UNC13B: variants seen among roughly 807,000 people sequenced by gnomAD.
UNC13B encodes unc-13 homolog B, also known as protein unc-13 homolog B.
A neutral mutation model predicts 211.0 loss-of-function variants in UNC13B; 144 were observed. The ratio of observed to expected loss-of-function variants is 0.68; its 90% CI spans 0.60 to 0.78. UNC13B has a LOEUF of 0.78. UNC13B is among the 30% of genes least tolerant of loss of function. The pLI is 0.00. For synonymous variants in UNC13B, 709 were observed against 725.8 expected, an observed-to-expected ratio of 0.98 and a Z score of 0.37; for missense variants, 1,777 against 2,002.0, an observed-to-expected ratio of 0.89 and a Z score of 2.14.
intron 1 of UNC13B, 179 bp from the exon 2 acceptor site, chr9:35,227,836 G>A (rs1824942099): frequency 6.1e-6 from 3 of 488,246 alleles, no homozygotes; most frequent in African/African-American, 6.1e-5. Flanking sequence ...TGACTTTTAA[G>A]GTCTCGTCTG....
At chr9:35,380,704 C>A (rs1834768513) in intron 18 of UNC13B, 65 bp downstream of exon 18, 4 of 1,596,344 alleles carry the variant, frequency 2.5e-6, no homozygotes, top group East Asian at 2.2e-5. Flanking sequence ...TGGGAATAGT[C>A]CTTCTACCAA....
intron 11 of UNC13B, among the ~76,000 whole-genome samples, chr9:35,333,398 C>G (rs1053130726): frequency 6.6e-6 from 1 of 152,182 alleles, no homozygotes; most frequent in Non-Finnish European, 1.5e-5. Context: ...GCAAGTTACC[C>G]AGCCCTTTGG....
rs150252340 is a variant in UNC13B, at chr9:35,300,524, A to G, written c.1120A>G (p.Thr374Ala). The change falls in exon 9 of 40, where the codon ACT (threonine) becomes GCT (alanine). Residue 374 changes from threonine to alanine, a missense_variant. Coordinates refer to ENST00000635942, the MANE Select transcript of UNC13B (RefSeq NM_001371189.2). ...FTSLDILEDS[T>A]SSTSDELLGS... Reference sequence around the variant, plus strand: ...CTCATTAGATATTCTTGAAGATTCTACTAGTAGTACTTCTGATGAACTTCT... The same window carrying G: ...CTCATTAGATATTCTTGAAGATTCTGCTAGTAGTACTTCTGATGAACTTCT... The G allele has an allele frequency of 5.0e-6, 2 of 398,908 alleles. No individual in the cohort carries two copies. The highest frequency in any genetic ancestry group is 8.8e-6 in the Non-Finnish European group (2 of 226,048). 24.7% of individuals were successfully genotyped at this position (398,908 alleles called of 1,614,324 possible).
rs377246179 is a variant in UNC13B at position 35,243,273 on chromosome 9, T to A, written c.395-18T>A. ...GCTGATGTGATTTCTTTTCTTTTTC[T>A]TCTTTTTTTTATGGTAGATATCCCA... On this transcript the variant is annotated intron_variant, in intron 5 of 39. Transcript: ENST00000635942. 3.7e-6 allele frequency: 6 copies of A among 1,611,700 alleles called. No individual in the cohort carries two copies. In the African/African-American group the frequency reaches 8.0e-5, roughly 22 times the overall value.
chr9:35,216,741 A>C (rs1357830694), intron 1 of UNC13B, among the ~76,000 whole-genome samples: 1 of 152,188 alleles, frequency 6.6e-6, no homozygotes, highest in African/African-American at 2.4e-5. Flanking sequence ...GAAAATAGAA[A>C]ATAAAATGTC....
intron 6 of UNC13B, among the ~76,000 whole-genome samples, chr9:35,249,580 G>A (rs1826333203): frequency 6.6e-6 from 1 of 152,132 alleles, no homozygotes; most frequent in African/African-American, 2.4e-5. Flanking sequence ...GCATTTGCTT[G>A]TCTGTAAAGT....
chr9:35,305,441 G>A lies in UNC13B; in HGVS notation c.6037G>A (p.Val2013Ile). Residue 2013 changes from valine (V) to isoleucine (I), a missense_variant, in exon 9 of 40, where the codon GTC (valine) becomes ATC (isoleucine). By Grantham distance (29) the Val-to-Ile change is conservative. Coordinates refer to ENST00000635942, the MANE Select transcript of UNC13B (RefSeq NM_001371189.2). ...SVSSMTIKDEVRSSPTPMELA... is the reference protein window; with the variant it reads ...SVSSMTIKDEIRSSPTPMELA... ...TTCTTCAATGACTATTAAGGATGAG[G>A]TCAGGTCAAGTCCTACTCCTATGGA... 1 of 398,958 alleles carries A rather than the reference G, an allele frequency of 2.5e-6. No homozygotes were observed. Among genetic ancestry groups the A allele is most frequent in the Non-Finnish European group, 4.4e-6 (1 of 226,012 alleles). 24.7% of individuals were successfully genotyped at this position (398,958 alleles called of 1,614,324 possible). A position where few individuals can be genotyped will look rare whatever the true frequency, so the allele number is the denominator to read the frequency against.
chr9:35,291,875 A>G (rs1829115790), intron 7 of UNC13B, among the ~76,000 whole-genome samples: 1 of 152,128 alleles, frequency 6.6e-6, no homozygotes, highest in Non-Finnish European at 1.5e-5. Context: ...TGTGATTTGA[A>G]TCCTGAGTAC....
intron 15 of UNC13B, among the ~76,000 whole-genome samples, chr9:35,376,668 G>T (rs1380940515): frequency 6.6e-5 from 10 of 152,142 alleles, no homozygotes; most frequent in Admixed American, 6.5e-4. Flanking sequence ...CTAGAATCTA[G>T]GACTCAGGGA....
chr9:35,352,595 A>C, intron 11 of UNC13B: 1 of 1,232,174 alleles, frequency 8.1e-7, no homozygotes, highest in Non-Finnish European at 1.0e-6. Context: ...AACATATCAG[A>C]TGAAGGCTCA....
intron 1 of UNC13B, among the ~76,000 whole-genome samples, chr9:35,199,850 T>C (rs990947279): frequency 3.9e-4 from 60 of 152,100 alleles, no homozygotes; most frequent in Admixed American, 9.2e-4. Context: ...TTTAATTAGA[T>C]CCCATTTGTC....
In UNC13B at chr9:35,386,165, G is replaced by T; in HGVS notation, c.10966G>T (p.Val3656Leu). The T allele has an allele frequency of 3.1e-6, 5 of 1,614,094 alleles. No individual in the cohort carries two copies. Among genetic ancestry groups the T allele is most frequent in the Non-Finnish European group, 4.2e-6 (5 of 1,179,978 alleles). Reference protein sequence around the residue: ...LTSITFFRMKVQELQSPPRAS... With the variant: ...LTSITFFRMKLQELQSPPRAS... The stretch of plus-strand genomic sequence containing the variant: ...CCATATTTCTTCTTTTAATTGGCAG[G>T]TACAAGAACTGCAAAGCCCTCCAAG... Residue 3656 changes from valine (V) to leucine (L), a missense_variant and splice_region_variant, in exon 24 of 40, where the codon GTA (valine) becomes TTA (leucine). Transcript: ENST00000635942.
intron 11 of UNC13B, among the ~76,000 whole-genome samples, chr9:35,342,930 A>C (rs1587660062): frequency 6.6e-6 from 1 of 152,346 alleles, no homozygotes; most frequent in African/African-American, 2.4e-5. Flanking sequence ...ACAGAGAGAA[A>C]GAGAAAAAAC....
In UNC13B at chr9:35,176,300, C is replaced by T. The variant is rs1314145873; in HGVS notation, c.22+13995C>T. Reference sequence around the variant, plus strand: ...TGGTGGCTCATGTCTATAATCCCAGCATTTTGGGAGGCTGAGGCGGGTAGA... The same window carrying T: ...TGGTGGCTCATGTCTATAATCCCAGTATTTTGGGAGGCTGAGGCGGGTAGA... On this transcript the variant is annotated intron_variant, in intron 1 of 39. Coordinates refer to ENST00000635942, the MANE Select transcript of UNC13B (RefSeq NM_001371189.2). Among the ~76,000 whole-genome samples, 3 of 152,192 alleles carry T rather than the reference C, an allele frequency of 2.0e-5. No individual in the cohort carries two copies. The East Asian group carries it at 5.8e-4, about 29-fold the overall frequency.
intron 1 of UNC13B, among the ~76,000 whole-genome samples, chr9:35,177,632 G>A (rs1044967606): frequency 6.6e-6 from 1 of 152,050 alleles, no homozygotes; most frequent in African/African-American, 2.4e-5. Context: ...TAACTGTTTT[G>A]AAACTTATAA....
At chr9:35,333,930 C>G (rs1273160670) in intron 11 of UNC13B, among the ~76,000 whole-genome samples, 1 of 151,822 alleles carries the variant, frequency 6.6e-6, no homozygotes, top group African/African-American at 2.4e-5. Context: ...GTTGAGAAAA[C>G]TGCTTTGGGC....
In UNC13B at chr9:35,203,527, G is replaced by A. The variant is rs12235918; in HGVS notation, c.23-24488G>A. Among the ~76,000 whole-genome samples, 438 of 152,296 alleles carry A rather than the reference G, an allele frequency of 2.9e-3. 16 individuals are homozygous for A. In the East Asian group the frequency reaches 0.065, roughly 23 times the overall value. ...TTGTAGAGTTTCTGCCAAGAGATCT[G>A]CTGTTAGTCTGATGGGCTTCCCTTT... On this transcript the variant is annotated intron_variant, in intron 1 of 39. Transcript: ENST00000635942.
chr9:35,397,365 C>T, intron 29 of UNC13B, 55 bp downstream of exon 29: 6 of 1,599,550 alleles, frequency 3.8e-6, no homozygotes, highest in Non-Finnish European at 5.1e-6. Context: ...CTCACAGTCT[C>T]ATCACAGGCC....
chr9:35,382,352 T>C lies in UNC13B; in HGVS notation c.10656-5T>C. 1 of 1,610,302 alleles carries C rather than the reference T, an allele frequency of 6.2e-7. No individual in the cohort carries two copies. Among genetic ancestry groups the C allele is most frequent in the South Asian group, 1.1e-5 (1 of 90,000 alleles). On this transcript the variant is annotated splice_region_variant and splice_polypyrimidine_tract_variant and intron_variant, in intron 20 of 39. Transcript: ENST00000635942. ...CTTTGAGGCTGCGGGTGCTGTGTTT[T>C]TCAGGCACTTTGCATGTTTATCATC...
Sources: allele counts gnomAD v4.1 joint callset (sites outside exome capture counted in the v4.1 genomes callset), GRCh38; gene constraint gnomAD v4.1.1; transcripts MANE v1.5; gene names NCBI Gene and HGNC (gene_info 2026-07-23, HGNC 2026-07-21).